The following CPA6 variants were observed in gnomAD, a reference collection of about 807,000 sequenced individuals.
CPA6 encodes carboxypeptidase A6.
In CPA6, 58 loss-of-function variants were observed where a neutral mutation model predicts 63.3. The ratio of observed to expected loss-of-function variants is 0.92; its 90% confidence interval spans 0.74 to 1.14. The LOEUF is 1.14. Ranked by LOEUF, CPA6 falls within the 50% of genes most tolerant of loss-of-function variation. The probability of loss-of-function intolerance (pLI) is 0.00; values close to 1 mark genes in which losing one functional copy is unlikely to be tolerated. For synonymous variants in CPA6, 185 were observed against 179.0 expected (o/e 1.03, Z -0.27); for missense variants, 565 against 526.6 (o/e 1.07, Z -0.71).
chr8:67,688,910 T>A (rs1435118582), intron 1 of CPA6, among the ~76,000 whole-genome samples: 2 of 152,154 alleles, frequency 1.3e-5, no homozygotes, highest in Non-Finnish European at 2.9e-5. Context: ...AAGGCTCCCA[T>A]AGACTAGTAT....
intron 2 of CPA6, among the ~76,000 whole-genome samples, chr8:67,521,131 C>T (rs139199354): frequency 1.3e-5 from 2 of 152,238 alleles, no homozygotes; most frequent in Non-Finnish European, 2.9e-5. Flanking sequence ...AGGCTGTTTG[C>T]CAACCATTCC....
chr8:67,595,885 A>G (rs1814318751), intron 2 of CPA6, among the ~76,000 whole-genome samples: 1 of 152,056 alleles, frequency 6.6e-6, no homozygotes, highest in Admixed American at 6.5e-5. Flanking sequence ...AGTGTGCTGC[A>G]CCCACTGTCC....
At chr8:67,538,988 C>T (rs576338961) in intron 2 of CPA6, among the ~76,000 whole-genome samples, 8 of 152,220 alleles carry the variant, frequency 5.3e-5, no homozygotes, top group East Asian at 1.9e-4. Context: ...GGGCATTTAA[C>T]CCATTTACAT....
Position 67,643,137 on chromosome 8 carries a change from C to T in CPA6, c.117-18886G>A, listed in dbSNP as rs1815633645. On this transcript the variant is annotated intron_variant, in intron 1 of 10. Coordinates refer to ENST00000297770, the MANE Select transcript of CPA6 (RefSeq NM_020361.5). Reference sequence around the variant, plus strand: ...ATGAAATTAACACGAAGCAAATGAACAAAAATATGAATAGATGCATATCAT... The same window carrying T: ...ATGAAATTAACACGAAGCAAATGAATAAAAATATGAATAGATGCATATCAT... 1.3e-5 allele frequency among the ~76,000 whole-genome samples: 2 copies of T among 151,922 alleles called. 1 individual carries two copies. Among genetic ancestry groups the T allele is most frequent in the South Asian group, 4.2e-4 (2 of 4,818 alleles).
intron 1 of CPA6, among the ~76,000 whole-genome samples, chr8:67,664,037 T>C (rs1587683923): frequency 6.6e-6 from 1 of 152,336 alleles, no homozygotes. Flanking sequence ...CAACTAAGTC[T>C]TGGACAGAAC....
chr8:67,429,422 A>C (rs1197522880), intron 9 of CPA6, among the ~76,000 whole-genome samples: 1 of 152,154 alleles, frequency 6.6e-6, no homozygotes, highest in Admixed American at 6.5e-5. Flanking sequence ...TTAATACTTA[A>C]ATTGGAGCAC....
chr8:67,618,283 C>T (rs1415175784), intron 2 of CPA6, among the ~76,000 whole-genome samples: 3 of 152,158 alleles, frequency 2.0e-5, no homozygotes. Flanking sequence ...CCCATTTCCT[C>T]CTCATAAGTT....
At chr8:67,487,619 GA>G (rs1811509563) in intron 6 of CPA6, among the ~76,000 whole-genome samples, 1 of 152,202 alleles carries the variant, frequency 6.6e-6, no homozygotes, top group Non-Finnish European at 1.5e-5. Flanking sequence ...GATCCTTGAG[GA>G]ATCGCCACAT....
intron 8 of CPA6, among the ~76,000 whole-genome samples, chr8:67,434,984 C>T (rs1162661897): frequency 6.6e-6 from 1 of 152,202 alleles, no homozygotes; most frequent in African/African-American, 2.4e-5. Flanking sequence ...GTGCTGAGGT[C>T]CAGGGAGTGT....
intron 4 of CPA6, among the ~76,000 whole-genome samples, chr8:67,511,319 A>G (rs1183407282): frequency 6.6e-6 from 1 of 152,204 alleles, no homozygotes; most frequent in African/African-American, 2.4e-5. Flanking sequence ...GGTAAAGCAA[A>G]TGAAATTAAA....
At chr8:67,427,636 G>A (rs1809923267) in intron 10 of CPA6, among the ~76,000 whole-genome samples, 1 of 152,182 alleles carries the variant, frequency 6.6e-6, no homozygotes, top group Non-Finnish European at 1.5e-5. Flanking sequence ...ATAAGAAACA[G>A]CATTTCATAA....
chr8:67,722,475 G>A (rs1817520106), intron 1 of CPA6, among the ~76,000 whole-genome samples: 1 of 152,164 alleles, frequency 6.6e-6, no homozygotes, highest in Non-Finnish European at 1.5e-5. Flanking sequence ...GATGTGTGCG[G>A]TGAAGTAAAC....
chr8:67,518,096 A>G (rs781688840), intron 2 of CPA6, 49 bp from the exon 3 acceptor site: 52 of 1,485,310 alleles, frequency 3.5e-5, no homozygotes, highest in Admixed American at 9.6e-5. Flanking sequence ...TAGGGGGGGA[A>G]AATCTGTGTC....
chr8:67,713,275 CGATCTCAGGTAACAAACTGAAACCAGTT>C (rs533807872), intron 1 of CPA6, among the ~76,000 whole-genome samples: 390 of 151,626 alleles, frequency 2.6e-3, no homozygotes, highest in African/African-American at 9.0e-3. Flanking sequence ...AGACCACAGT[CGATCTCAGGTAACAAACTGAAACCAGTT>C]GATCTCAGGT....
intron 2 of CPA6, among the ~76,000 whole-genome samples, chr8:67,616,262 C>G (rs756167511): frequency 6.6e-6 from 1 of 152,174 alleles, no homozygotes; most frequent in Non-Finnish European, 1.5e-5. Flanking sequence ...ATGGTGAACA[C>G]TTAAAAGGTT....
chr8:67,624,099 A>T lies in CPA6; in HGVS notation c.192+77T>A, dbSNP rs1815143601. The T allele has an allele frequency of 3.6e-6, 3 of 824,862 alleles. No individual in the cohort carries two copies. In the South Asian group the frequency reaches 4.7e-5, roughly 13 times the overall value. The allele number at this position is 824,862 out of a possible 1,614,324, so 51.1% of individuals were successfully genotyped here. A position where few individuals can be genotyped will look rare whatever the true frequency, so the allele number is the denominator to read the frequency against. On this transcript the variant is annotated intron_variant, in intron 2 of 10. Transcript: ENST00000297770. ...CTTTCTTGGCTAATAAATTCCAATT[A>T]TTCAACTCCAGTCAGCAAATCCCTG...
chr8:67,510,430 A>G (rs556209989), intron 4 of CPA6, among the ~76,000 whole-genome samples: 374 of 145,318 alleles, frequency 2.6e-3, no homozygotes, highest in African/African-American at 9.8e-3. Context: ...GTGTGTGTGT[A>G]TACACATACA....
In CPA6 at chr8:67,484,764, G is replaced by C; in HGVS notation, c.662C>G (p.Pro221Arg). The change falls in exon 7 of 11, where the codon CCA becomes CGA. Residue 221 changes from proline (P) to arginine (R), a missense_variant. Pro to Arg is a moderately radical substitution (Grantham distance 103). Coordinates refer to ENST00000297770, the MANE Select transcript of CPA6 (RefSeq NM_020361.5). ...KEALLTYKSD[P>R]AMRKMLNHLY... ...ATGATTCAACATTTTTCTCATGGCT[G>C]GGTCACTCTTATATGTTAGAAGAGC... 1 of 1,607,084 alleles carries C rather than the reference G, an allele frequency of 6.2e-7. No homozygotes were observed. Among genetic ancestry groups the C allele is most frequent in the Non-Finnish European group, 8.5e-7 (1 of 1,173,970 alleles).
chr8:67,746,194 G>A lies in CPA6; in HGVS notation c.-65C>T. ...CACCCGAGGCTGGAGGTGGCTCACA[G>A]CACCCTCTACACACCGCACAGGTTC... On this transcript the variant is annotated 5_prime_UTR_variant, in exon 1 of 11. Coordinates refer to ENST00000297770, the MANE Select transcript of CPA6 (RefSeq NM_020361.5). 8.1e-7 allele frequency: 1 copy of A among 1,240,446 alleles called. No individual in the cohort carries two copies. Among genetic ancestry groups the A allele is most frequent in the East Asian group, 2.4e-5 (1 of 41,904 alleles). The allele number at this position is 1,240,446 out of a possible 1,614,324, so 76.8% of individuals were successfully genotyped here.
Sources: gnomAD v4.1 joint callset for allele counts (sites outside exome capture counted in the v4.1 genomes callset) on GRCh38, gnomAD v4.1.1 for gene constraint, MANE v1.5 for transcripts, NCBI Gene and HGNC (gene_info 2026-07-23, HGNC 2026-07-21) for gene names.